Variants in ZZEF1 observed in about 807,000 individuals in gnomAD.
ZZEF1 encodes zinc finger ZZ-type and EF-hand domain containing 1.
ZZEF1 carries 157 observed loss-of-function variants against 342.8 expected under a neutral mutation model. That is an observed-to-expected ratio of 0.46 (90% CI 0.40 to 0.52). The LOEUF is 0.52. Among genes scored for constraint, ZZEF1 ranks in the 20% least tolerant of loss-of-function variants. ZZEF1 has a pLI of 0.00. For synonymous variants in ZZEF1, 1,505 were observed against 1,429.1 expected (o/e 1.05, Z -1.20); for missense variants, 3,480 against 3,725.6 (o/e 0.93, Z 1.72).
chr17:4,079,428 A>T (rs960720012), intron 18 of ZZEF1, among the ~76,000 whole-genome samples: 5 of 152,208 alleles, frequency 3.3e-5, no homozygotes, highest in Non-Finnish European at 5.9e-5. Context: ...AGAAATAAGG[A>T]TGGAGATTCG....
Position 4,016,194 on chromosome 17 carries a change from G to A in ZZEF1, c.8145+129C>T. 5.2e-6 allele frequency: 6 copies of A among 1,144,674 alleles called. No homozygotes were observed. The highest frequency in any genetic ancestry group is 6.2e-6 in the Non-Finnish European group (5 of 809,748). 70.9% of individuals were successfully genotyped at this position (1,144,674 alleles called of 1,614,324 possible). On this transcript the variant is annotated intron_variant, in intron 49 of 54. Transcript: ENST00000381638. The surrounding 1 kb of genome is among the most constrained non-coding windows in gnomAD (Gnocchi z 4.4). The stretch of plus-strand genomic sequence containing the variant: ...AGTTTGTTCAAGGAAGCACTTTCCT[G>A]GACAGGTCTCTGCTGTCCAGCGGGA...
intron 52 of ZZEF1, 56 bp downstream of exon 52, chr17:4,013,393 C>A: frequency 6.8e-7 from 1 of 1,468,030 alleles, no homozygotes; most frequent in South Asian, 1.4e-5. Context: ...AAGGGCCAGC[C>A]ACAGAGTGGG....
In ZZEF1 at chr17:4,123,940, T is replaced by A. The variant is rs769516491; in HGVS notation, c.466A>T (p.Ile156Phe). Reference sequence around the variant, plus strand: ...AGAGAGCAGGCCTGTAGTTGTCTGATGATGTGGCTCAGCTCCCCCTGAAGA... The same window carrying A: ...AGAGAGCAGGCCTGTAGTTGTCTGAAGATGTGGCTCAGCTCCCCCTGAAGA... Reference protein sequence around the residue: ...ANLQGELSHIIRQLQACSLVP... With the variant: ...ANLQGELSHIFRQLQACSLVP... The change falls in exon 2 of 55, where the codon ATC (isoleucine) becomes TTC (phenylalanine). Residue 156 changes from isoleucine (I) to phenylalanine (F), a missense_variant. Physicochemically the swap from Ile to Phe is conservative, Grantham distance 21. Coordinates refer to ENST00000381638, the MANE Select transcript of ZZEF1 (RefSeq NM_015113.4). The A allele has an allele frequency of 6.2e-7, 1 of 1,613,952 alleles. No homozygotes were observed. The highest frequency in any genetic ancestry group is 1.3e-5 in the African/African-American group (1 of 74,878).
chr17:4,072,971 C>T (rs1299827233), intron 24 of ZZEF1: 3 of 409,132 alleles, frequency 7.3e-6, no homozygotes, highest in Non-Finnish European at 1.3e-5. Flanking sequence ...CTCTGTGGAA[C>T]AACTTCAGTT....
chr17:4,045,831 T>C (rs2056901033), intron 37 of ZZEF1, among the ~76,000 whole-genome samples: 1 of 41,284 alleles, frequency 2.4e-5, no homozygotes, highest in Admixed American at 3.4e-4. Flanking sequence ...TTTGTTCTTG[T>C]TTTTTTTTTT....
At chr17:4,061,029 T>C (rs188067275) in intron 30 of ZZEF1, among the ~76,000 whole-genome samples, 2 of 152,350 alleles carry the variant, frequency 1.3e-5, no homozygotes, top group East Asian at 3.9e-4. Flanking sequence ...AACTTCCCCG[T>C]TTCTCTGCTC....
At chr17:4,127,742 T>C (rs1295643465) in intron 1 of ZZEF1, among the ~76,000 whole-genome samples, 1 of 152,168 alleles carries the variant, frequency 6.6e-6, no homozygotes, top group African/African-American at 2.4e-5. Context: ...ACTTGCTCAA[T>C]GTGTAAGACT....
In ZZEF1 at chr17:4,016,678, AATG is replaced by A. The variant is rs766505743; in HGVS notation, c.8002-215_8002-213del. 1.8e-6 allele frequency: 1 copy of A among 546,192 alleles called. No homozygotes were observed. The highest frequency in any genetic ancestry group is 2.7e-5 in the South Asian group (1 of 37,480). The allele number at this position is 546,192 out of a possible 1,614,324, so 33.8% of individuals were successfully genotyped here. The stretch of plus-strand genomic sequence containing the variant: ...AATCAGGACACTGCAGTCCTTTCAG[AATG>A]ATGCTACTTAGAGGTGGTCTGAAAG... On this transcript the variant is annotated intron_variant, in intron 48 of 54. Transcript: ENST00000381638. The surrounding 1 kb of genome is among the most constrained non-coding windows in gnomAD (Gnocchi z 4.4).
intron 46 of ZZEF1, among the ~76,000 whole-genome samples, chr17:4,018,621 C>T (rs1481406892): frequency 6.6e-6 from 1 of 152,170 alleles, no homozygotes; most frequent in Non-Finnish European, 1.5e-5. Context: ...TGGTGTTTGC[C>T]TTATTTGAAC....
chr17:4,021,849 C>T (rs758911848), intron 44 of ZZEF1, among the ~76,000 whole-genome samples: 5 of 151,660 alleles, frequency 3.3e-5, no homozygotes, highest in South Asian at 2.1e-4. Context: ...ACACATGCAA[C>T]GCAAAATGCA....
At chr17:4,043,879 T>C (rs1470766617) in intron 38 of ZZEF1, among the ~76,000 whole-genome samples, 1 of 152,226 alleles carries the variant, frequency 6.6e-6, no homozygotes, top group African/African-American at 2.4e-5. Context: ...CAAATTACAG[T>C]TACCTGCACC....
intron 1 of ZZEF1, among the ~76,000 whole-genome samples, chr17:4,125,739 G>C (rs2058562829): frequency 6.6e-6 from 1 of 152,172 alleles, no homozygotes; most frequent in Admixed American, 6.5e-5. Context: ...CAGAAACCAT[G>C]ACAGAAAGAA....
chr17:4,040,749 A>G (rs1027351415), intron 39 of ZZEF1, among the ~76,000 whole-genome samples: 2 of 152,218 alleles, frequency 1.3e-5, no homozygotes, highest in South Asian at 4.1e-4. Context: ...GGCACAGAGC[A>G]GTTAACCAGG....
chr17:4,082,593 C>G, intron 16 of ZZEF1, 89 bp from the exon 17 acceptor site: 1 of 1,245,484 alleles, frequency 8.0e-7, no homozygotes, highest in Non-Finnish European at 1.1e-6. Flanking sequence ...CACCACCCCA[C>G]TGTTCTCAAG....
At chr17:4,069,548 G>A (rs1156998805) in intron 26 of ZZEF1, among the ~76,000 whole-genome samples, 3 of 152,004 alleles carry the variant, frequency 2.0e-5, no homozygotes, top group Non-Finnish European at 2.9e-5. Context: ...ATAACAAAAC[G>A]AGGCTGGGCG....
chr17:4,077,476 CTAAT>C (rs553055749), intron 19 of ZZEF1, among the ~76,000 whole-genome samples: 24 of 152,312 alleles, frequency 1.6e-4, no homozygotes, highest in Admixed American at 1.3e-3. Flanking sequence ...GAACATGAAT[CTAAT>C]TATTCTCGGT....
At position 4,006,931 on chromosome 17, in the gene ZZEF1, AGTTGAT is replaced by A. The variant is rs770472774; in HGVS notation, c.8839_8844del (p.Ile2947_Asn2948del). On this transcript the variant is annotated inframe_deletion, in exon 55 of 55. Transcript: ENST00000381638. ...CAGAGGCGGGTGGCCTTGTTTGGGT[AGTTGAT>A]GGCCAGGCTGATGGCAGCAATGTTC... 1.8e-5 allele frequency: 28 copies of A among 1,575,736 alleles called. No individual in the cohort carries two copies. Among genetic ancestry groups the A allele is most frequent in the Non-Finnish European group, 2.4e-5 (28 of 1,159,170 alleles).
At chr17:4,022,193 G>A (rs1363185337) in intron 44 of ZZEF1, among the ~76,000 whole-genome samples, 1 of 152,162 alleles carries the variant, frequency 6.6e-6, no homozygotes, top group South Asian at 2.1e-4. Context: ...CTGAATGGCC[G>A]CTCACTCCCT....
rs781012388 is a variant in ZZEF1 at position 4,013,452 on chromosome 17, T to C, written c.8576A>G (p.His2859Arg). The part of the protein sequence containing the change: ...LLLRIVRCCG[H>R]SDLCDLALLK... ...TGCCATCCGGGACACCGCTTACCTG[T>C]GGCCGCAGCATCGCACAATCCTCAG... Residue 2859 changes from histidine (H) to arginine (R), a missense_variant, in exon 52 of 55, where the codon CAC (histidine) becomes CGC (arginine). By Grantham distance (29) the His-to-Arg change is conservative. This residue lies in a region of ZZEF1 where 1,269 missense variants were observed against 1,342.4 expected (regional missense o/e 0.95). Transcript: ENST00000381638. 3 of 1,606,922 alleles carry C rather than the reference T, an allele frequency of 1.9e-6. No homozygotes were observed. Among genetic ancestry groups the C allele is most frequent in the South Asian group, 1.1e-5 (1 of 90,328 alleles).
Sources: allele counts gnomAD v4.1 joint callset (sites outside exome capture counted in the v4.1 genomes callset), GRCh38; gene constraint gnomAD v4.1.1; regional missense constraint gnomAD v4.1.1; non-coding constraint Gnocchi (gnomAD v3.1); transcripts MANE v1.5; gene names NCBI Gene and HGNC (gene_info 2026-07-23, HGNC 2026-07-21).